Variants in PRSS23 observed in about 807,000 individuals in gnomAD.
The protein encoded by PRSS23 is protease, serine 23.
A neutral mutation model predicts 34.7 loss-of-function variants in PRSS23; 25 were observed. The observed-to-expected ratio is 0.72, with a 90% confidence interval of 0.53 to 1.01. The LOEUF is 1.01. Among genes scored for constraint, PRSS23 ranks in the 50% least tolerant of loss-of-function variants. The probability of loss-of-function intolerance (pLI) is 0.00; values close to 1 mark genes in which losing one functional copy is unlikely to be tolerated. For missense variants in PRSS23, 445 were observed against 475.6 expected (o/e 0.94, Z 0.60); for synonymous variants, 176 against 186.6 (o/e 0.94, Z 0.46).
chr11:86,825,745 C>T (rs1483260212), intron 2 of PRSS23, among the ~76,000 whole-genome samples: 1 of 151,848 alleles, frequency 6.6e-6, no homozygotes, highest in African/African-American at 2.4e-5. Context: ...GGAATCCTTT[C>T]CCCATTGCTT....
chr11:86,952,345 A>C, exon 3 of PRSS23: 1 of 1,614,234 alleles, frequency 6.2e-7, no homozygotes, highest in Non-Finnish European at 8.5e-7. Flanking sequence ...CTGGCCAGGC[A>C]AATCCAAATT....
chr11:86,882,539 C>T (rs1251910135), intron 2 of PRSS23, among the ~76,000 whole-genome samples: 2 of 152,018 alleles, frequency 1.3e-5, no homozygotes, highest in Non-Finnish European at 2.9e-5. Flanking sequence ...GGCATGATCT[C>T]GTTTTTTTAA....
At chr11:86,947,894 T>C (rs556037440) in intron 2 of PRSS23, 2 of 152,280 alleles carry the variant, frequency 1.3e-5, no homozygotes, top group South Asian at 2.1e-4. Flanking sequence ...TCATACCCAT[T>C]TACTGTAGGT....
intron 1 of PRSS23, 120 bp downstream of exon 1, chr11:86,800,771 C>T (rs1284525755): frequency 4.3e-6 from 2 of 465,358 alleles, no homozygotes; most frequent in Non-Finnish European, 5.6e-6. Flanking sequence ...CCGGAGGCAC[C>T]GCAGGACTTC....
chr11:86,951,134 G>A lies in PRSS23; in HGVS notation c.207-82G>A. 2.5e-6 allele frequency: 4 copies of A among 1,613,430 alleles called. No individual in the cohort carries two copies. The South Asian group carries it at 3.3e-5, about 13-fold the overall frequency. On this transcript the variant is annotated intron_variant, in intron 2 of 2. Transcript: ENST00000533902. ...TCAAAATGAAGAAAGCATGGAGGCT[G>A]ACTAGCCTTATACCACAGTCTCACT...
At chr11:86,928,235 A>G (rs1450644421) in intron 2 of PRSS23, among the ~76,000 whole-genome samples, 5 of 148,198 alleles carry the variant, frequency 3.4e-5, no homozygotes, top group Non-Finnish European at 7.4e-5. Flanking sequence ...TGTATTATAT[A>G]TAAGTATATG....
intron 2 of PRSS23, among the ~76,000 whole-genome samples, chr11:86,884,757 C>T (rs929799611): frequency 6.6e-6 from 1 of 152,212 alleles, no homozygotes; most frequent in Non-Finnish European, 1.5e-5. Context: ...ACTATCATAT[C>T]TTACTCTGTT....
rs544790546 is a variant in PRSS23, at chr11:86,932,412, G to C, written c.207-18804G>C. ...CCTGAAGCAGGGGCCATCACCATCA[G>C]TGACACGGCCACCCAGCCTCCAGAA... On this transcript the variant is annotated intron_variant, in intron 2 of 2. Coordinates refer to the PRSS23 transcript ENST00000533902. Among the ~76,000 whole-genome samples, 9 of 152,324 alleles carry C rather than the reference G, an allele frequency of 5.9e-5. No individual in the cohort carries two copies. In the South Asian group the frequency reaches 1.4e-3, roughly 25 times the overall value.
intron 2 of PRSS23, among the ~76,000 whole-genome samples, chr11:86,944,826 C>T (rs1014859286): frequency 3.9e-5 from 6 of 152,114 alleles, no homozygotes; most frequent in East Asian, 1.9e-4. Context: ...GATAAATGTC[C>T]GGTAGCAATC....
At chr11:86,933,208 G>C (rs755883173) in intron 2 of PRSS23, 1 of 152,232 alleles carries the variant, frequency 6.6e-6, no homozygotes, top group African/African-American at 2.4e-5. Context: ...CTGGACTTCT[G>C]ACTCTCCCCT....
intron 2 of PRSS23, among the ~76,000 whole-genome samples, chr11:86,860,067 A>G (rs1948602457): frequency 6.6e-6 from 1 of 151,494 alleles, no homozygotes; most frequent in Admixed American, 6.6e-5. Flanking sequence ...CATTTTGTAC[A>G]CCCCCTGTGA....
chr11:86,861,257 A>G (rs770658323), intron 2 of PRSS23, among the ~76,000 whole-genome samples: 1 of 145,162 alleles, frequency 6.9e-6, no homozygotes, highest in Non-Finnish European at 1.5e-5. Context: ...ATTACTCTCA[A>G]TGTCGCGGGG....
chr11:86,830,186 C>A (rs578224581), intron 2 of PRSS23, among the ~76,000 whole-genome samples: 1 of 151,432 alleles, frequency 6.6e-6, no homozygotes, highest in Admixed American at 6.6e-5. Context: ...TAAGCAAGCC[C>A]GGGCAATGGT....
At chr11:86,818,263 AC>A (rs1342580745) in intron 1 of PRSS23, among the ~76,000 whole-genome samples, 2 of 152,230 alleles carry the variant, frequency 1.3e-5, no homozygotes, top group African/African-American at 4.8e-5. Flanking sequence ...ATACATGCTA[AC>A]CAAATATTTT....
intron 2 of PRSS23, among the ~76,000 whole-genome samples, chr11:86,915,925 C>T (rs1050224630): frequency 1.3e-5 from 2 of 151,962 alleles, no homozygotes; most frequent in Non-Finnish European, 2.9e-5. Context: ...CATGGTGGCA[C>T]ACACCTGTAA....
At chr11:86,861,266 G>A (rs1449516177) in intron 2 of PRSS23, among the ~76,000 whole-genome samples, 1 of 149,648 alleles carries the variant, frequency 6.7e-6, no homozygotes, top group Non-Finnish European at 1.5e-5. Flanking sequence ...AATGTCGCGG[G>A]GGGTGTCCAC....
At chr11:86,885,683 G>C (rs1948798063) in intron 2 of PRSS23, among the ~76,000 whole-genome samples, 1 of 152,210 alleles carries the variant, frequency 6.6e-6, no homozygotes, top group South Asian at 2.1e-4. Context: ...CTATCCCGCA[G>C]ATTTTTGACT....
chr11:86,916,395 C>T (rs1307014727), intron 2 of PRSS23, among the ~76,000 whole-genome samples: 1 of 152,098 alleles, frequency 6.6e-6, no homozygotes, highest in East Asian at 1.9e-4. Flanking sequence ...TGCTGTTCCC[C>T]AAATCCACCT....
chr11:86,914,035 T>C (rs1312588370), intron 2 of PRSS23, among the ~76,000 whole-genome samples: 2 of 91,494 alleles, frequency 2.2e-5, no homozygotes, highest in Admixed American at 1.4e-4. Context: ...TGAAACACCA[T>C]CTCTACTAAA....
Sources: allele counts gnomAD v4.1 joint callset (sites outside exome capture counted in the v4.1 genomes callset), GRCh38; gene constraint gnomAD v4.1.1; transcripts MANE v1.5; gene names NCBI Gene and HGNC (gene_info 2026-07-23, HGNC 2026-07-21).